RORA: variants seen among roughly 807,000 people sequenced by gnomAD.
RORA encodes the protein nuclear receptor ROR-alpha.
A neutral mutation model predicts 69.5 loss-of-function variants in RORA; 7 were observed. That is an observed-to-expected ratio of 0.10 (90% CI 0.06 to 0.19). RORA has a LOEUF of 0.19. RORA is among the 10% of genes least tolerant of loss of function. The probability of loss-of-function intolerance (pLI) is 1.00; values close to 1 mark genes in which losing one functional copy is unlikely to be tolerated. For missense variants in RORA, 457 were observed against 663.0 expected (o/e 0.69, Z 3.41); for synonymous variants, 261 against 240.8 (o/e 1.08, Z -0.78).
At chr15:60,846,531 G>T (rs2073267467) in intron 1 of RORA, among the ~76,000 whole-genome samples, 2 of 152,160 alleles carry the variant, frequency 1.3e-5, no homozygotes, top group South Asian at 4.1e-4. Context: ...CCAGATTTCA[G>T]GAACACTAAT....
chr15:61,228,861 C>G (rs1468622727), intron 1 of RORA, among the ~76,000 whole-genome samples, 192 bp downstream of exon 1: 7 of 151,358 alleles, frequency 4.6e-5, no homozygotes, highest in African/African-American at 1.5e-4. Context: ...AAGCCGAGAA[C>G]GGGCTGCAAA....
At chr15:60,968,810 T>C (rs1203834170) in intron 1 of RORA, among the ~76,000 whole-genome samples, 2 of 152,170 alleles carry the variant, frequency 1.3e-5, no homozygotes, top group Non-Finnish European at 2.9e-5. Context: ...TAAATTCGCA[T>C]CAGTACATTA....
In RORA at chr15:61,167,482, ATTTTTTTTTTTTTTTTT is replaced by A. The variant is rs199752865; in HGVS notation, c.166+61554_166+61570del. On this transcript the variant is annotated intron_variant, in intron 1 of 10. Transcript: ENST00000335670. ...AAAGGATGCAAATAATTTGACCAGGATTTTTTTTTTTTTTTTTTTTTTTTTTTTTTTTTTTTTTTTAT... is the reference window on the plus strand; with the variant it reads ...AAAGGATGCAAATAATTTGACCAGGATTTTTTTTTTTTTTTTTTTTTTTAT... Among the ~76,000 whole-genome samples the A allele has an allele frequency of 5.7e-3, 758 of 133,650 alleles. 14 individuals are homozygous for A. Among genetic ancestry groups the A allele is most frequent in the African/African-American group, 0.019 (672 of 34,910 alleles). The allele number at this position is 133,650 out of a possible 152,430, so 87.7% of individuals were successfully genotyped here. A position where few individuals can be genotyped will look rare whatever the true frequency, so the allele number is the denominator to read the frequency against.
chr15:60,788,796 C>T (rs1280946367), intron 1 of RORA, among the ~76,000 whole-genome samples: 1 of 152,220 alleles, frequency 6.6e-6, no homozygotes, highest in Non-Finnish European at 1.5e-5. Context: ...GTCAGAGCCC[C>T]CTTCCATGAG....
intron 1 of RORA, among the ~76,000 whole-genome samples, chr15:61,197,541 G>A (rs2079856146): frequency 6.6e-6 from 1 of 152,174 alleles, no homozygotes; most frequent in African/African-American, 2.4e-5. Context: ...TCTCCCTCTG[G>A]TTTCATTGGC....
At chr15:60,827,440 T>C (rs2072980728) in intron 1 of RORA, among the ~76,000 whole-genome samples, 1 of 152,202 alleles carries the variant, frequency 6.6e-6, no homozygotes, top group Admixed American at 6.5e-5. Flanking sequence ...TGGAAACTTT[T>C]CCCCAGAAAC....
intron 1 of RORA, among the ~76,000 whole-genome samples, chr15:61,103,258 G>A (rs1288291920): frequency 6.6e-6 from 1 of 152,170 alleles, no homozygotes; most frequent in Admixed American, 6.5e-5. Flanking sequence ...AGCATCAGCA[G>A]GCTGCTTTGG....
chr15:60,653,548 C>T (rs2070177600), intron 2 of RORA, among the ~76,000 whole-genome samples: 1 of 152,182 alleles, frequency 6.6e-6, no homozygotes, highest in African/African-American at 2.4e-5. Context: ...GGAGGAAGCA[C>T]ATACTTATAC....
At chr15:60,881,352 C>G (rs2073678145) in intron 1 of RORA, among the ~76,000 whole-genome samples, 1 of 152,260 alleles carries the variant, frequency 6.6e-6, no homozygotes, top group Non-Finnish European at 1.5e-5. Flanking sequence ...GCACCTCTGA[C>G]CAGCCCTGCT....
intron 1 of RORA, among the ~76,000 whole-genome samples, chr15:61,155,577 G>GGGAAGATCTTT (rs1243570817): frequency 3.9e-5 from 6 of 152,158 alleles, no homozygotes; most frequent in Non-Finnish European, 5.9e-5. Flanking sequence ...CCGCAGCCAT[G>GGGAAGATCTTT]GGAAGATCTT....
At chr15:60,770,768 A>G (rs12914272) in intron 1 of RORA, among the ~76,000 whole-genome samples, 88,482 of 151,946 alleles carry the variant, frequency 0.58, 26,381 homozygotes, top group South Asian at 0.69. Flanking sequence ...GACTACGTGA[A>G]TGCTTCACCA....
chr15:60,903,460 T>A (rs926128229), intron 1 of RORA, among the ~76,000 whole-genome samples: 1 of 152,218 alleles, frequency 6.6e-6, no homozygotes, highest in Non-Finnish European at 1.5e-5. Context: ...CTTTCCCCTG[T>A]GAGTCAGTCA....
At chr15:60,956,437 C>G (rs1227035926) in intron 1 of RORA, among the ~76,000 whole-genome samples, 1 of 152,130 alleles carries the variant, frequency 6.6e-6, no homozygotes, top group Non-Finnish European at 1.5e-5. Flanking sequence ...CAGAGCAAGA[C>G]CTGCTAGAAA....
intron 10 of RORA, among the ~76,000 whole-genome samples, chr15:60,497,897 T>TAA (rs879706472): frequency 7.0e-6 from 1 of 143,532 alleles, no homozygotes. Flanking sequence ...TGTCTCTACC[T>TAA]AAAAAAAAAA....
chr15:61,225,383 C>T (rs2080136696), intron 1 of RORA, among the ~76,000 whole-genome samples: 1 of 152,086 alleles, frequency 6.6e-6, no homozygotes, highest in East Asian at 1.9e-4. Flanking sequence ...GTAAGAGCAC[C>T]TACTAGAAAG....
At chr15:60,565,431 T>C (rs1179244375) in intron 2 of RORA, among the ~76,000 whole-genome samples, 2 of 152,214 alleles carry the variant, frequency 1.3e-5, no homozygotes, top group East Asian at 1.9e-4. Context: ...AATACCTTGT[T>C]GCTGAATAAT....
At chr15:60,675,776 A>T (rs184771596) in intron 2 of RORA, among the ~76,000 whole-genome samples, 1 of 152,200 alleles carries the variant, frequency 6.6e-6, no homozygotes, top group African/African-American at 2.4e-5. Context: ...TGTCACAACT[A>T]TTCAGGCTCA....
At chr15:60,679,904 G>C in intron 1 of RORA, among the ~76,000 whole-genome samples, 1 of 147,980 alleles carries the variant, frequency 6.8e-6, no homozygotes, top group East Asian at 2.0e-4. Flanking sequence ...AACTTTTATT[G>C]AGGAAAACTA....
Position 61,091,873 on chromosome 15 carries a change from T to C in RORA, c.166+137180A>G, listed in dbSNP as rs188411957. Reference sequence around the variant, plus strand: ...TTCCTGATTTGTTCCTACAAGGGTATATGTTAAAGTGGTCTTTTAAACTTG... The same window carrying C: ...TTCCTGATTTGTTCCTACAAGGGTACATGTTAAAGTGGTCTTTTAAACTTG... On this transcript the variant is annotated intron_variant, in intron 1 of 10. Transcript: ENST00000335670. Among the ~76,000 whole-genome samples the C allele has an allele frequency of 2.6e-5, 4 of 152,348 alleles. No homozygotes were observed. In the East Asian group the frequency reaches 7.7e-4, roughly 29 times the overall value.
Sources: gnomAD v4.1 joint callset for allele counts (sites outside exome capture counted in the v4.1 genomes callset) on GRCh38, gnomAD v4.1.1 for gene constraint, MANE v1.5 for transcripts, NCBI Gene and HGNC (gene_info 2026-07-23, HGNC 2026-07-21) for gene names.